The following KMT2E variants were observed in gnomAD, a reference collection of about 807,000 sequenced individuals.
KMT2E encodes lysine methyltransferase 2E (inactive), also known as histone reader KMT2E.
In KMT2E, 30 loss-of-function variants were observed where a neutral mutation model predicts 184.6. That is an observed-to-expected ratio of 0.16 (90% CI 0.12 to 0.22). KMT2E has a LOEUF of 0.22. KMT2E is among the 10% of genes least tolerant of loss of function. KMT2E has a pLI of 1.00. For synonymous variants in KMT2E, 815 were observed against 776.5 expected, an observed-to-expected ratio of 1.05 and a Z score of -0.82; for missense variants, 2,023 against 2,237.4, an observed-to-expected ratio of 0.90 and a Z score of 1.93.
Position 105,090,035 on chromosome 7 carries a change from T to C in KMT2E, c.1385T>C (p.Leu462Pro). ...AAGTACAAGGTGGACTGTGCATGCC[T>C]CAAAGAAAACCCAGAGTGCCCTGTT... is the stretch of plus-strand genomic sequence containing the variant. ...NCKYKVDCAC[L>P]KENPECPVLK... The change falls in exon 14 of 27, where the codon CTC becomes CCC. Residue 462 changes from leucine to proline, a missense_variant. By Grantham distance (98) the Leu-to-Pro change is moderately conservative (BLOSUM62 -3). Transcript: ENST00000311117. The C allele has an allele frequency of 5.0e-6, 8 of 1,613,216 alleles. No individual in the cohort carries two copies. The highest frequency in any genetic ancestry group is 6.8e-6 in the Non-Finnish European group (8 of 1,179,742).
At chr7:105,041,163 G>A in intron 3 of KMT2E, 140 bp downstream of exon 3, 1 of 575,118 alleles carries the variant, frequency 1.7e-6, no homozygotes, top group Non-Finnish European at 3.0e-6. Context: ...AAAAAGCGAA[G>A]TTACCTTTCT....
chr7:105,026,024 T>C (rs1393068805), intron 1 of KMT2E, among the ~76,000 whole-genome samples: 1 of 152,190 alleles, frequency 6.6e-6, no homozygotes, highest in Non-Finnish European at 1.5e-5. Context: ...TCAGGGGAGC[T>C]ATACTCAAAG....
intron 17 of KMT2E, chr7:105,103,176 C>G (rs1798731927): frequency 6.6e-6 from 1 of 152,190 alleles, no homozygotes; most frequent in Non-Finnish European, 1.5e-5. Flanking sequence ...AAACTACTTT[C>G]TCAATTACAA....
chr7:105,063,305 G>A (rs780097444), intron 4 of KMT2E, 46 bp from the exon 5 acceptor site: 24 of 1,339,100 alleles, frequency 1.8e-5, no homozygotes, highest in Non-Finnish European at 5.2e-6. Context: ...TTATATCATT[G>A]TTGAAATTAA....
At position 105,113,620 on chromosome 7, in the gene KMT2E, A is replaced by AATTC. The variant is rs1478130449; in HGVS notation, c.*291_*294dup. The AATTC allele has an allele frequency of 3.3e-6, 1 of 301,416 alleles. No homozygotes were observed. The highest frequency in any genetic ancestry group is 6.1e-6 in the Non-Finnish European group (1 of 163,338). The allele number at this position is 301,416 out of a possible 1,614,324, so 18.7% of individuals were successfully genotyped here. A position where few individuals can be genotyped will look rare whatever the true frequency, so the allele number is the denominator to read the frequency against. On this transcript the variant is annotated 3_prime_UTR_variant, in exon 27 of 27. Transcript: ENST00000311117. ...ATGATCTTTTTTTTTTTTTTAGTTA[A>AATTC]ATTCATTTAGTGAATGTTCTATTAT...
intron 6 of KMT2E, among the ~76,000 whole-genome samples, chr7:105,069,221 A>G (rs1324467875): frequency 6.6e-6 from 1 of 152,194 alleles, no homozygotes; most frequent in African/African-American, 2.4e-5. Flanking sequence ...AGTATGTTTC[A>G]TCTGTTTCTT....
At chr7:105,039,597 A>T (rs545963269) in intron 2 of KMT2E, among the ~76,000 whole-genome samples, 1 of 152,212 alleles carries the variant, frequency 6.6e-6, no homozygotes, top group Non-Finnish European at 1.5e-5. Flanking sequence ...GAGTTCATAC[A>T]TTATGGGGGA....
chr7:105,102,281 CCT>C, intron 17 of KMT2E, 87 bp downstream of exon 17: 1 of 1,143,190 alleles, frequency 8.7e-7, no homozygotes, highest in Non-Finnish European at 1.2e-6. Flanking sequence ...ATTTTTAAGA[CCT>C]CATAATAATA....
At chr7:105,087,118 T>C (rs1798006592) in intron 13 of KMT2E, among the ~76,000 whole-genome samples, 1 of 147,378 alleles carries the variant, frequency 6.8e-6, no homozygotes, top group Non-Finnish European at 1.5e-5. Flanking sequence ...ATATGTGCTA[T>C]GTATGTGCTA....
At chr7:105,060,009 T>TTG (rs1796746450) in intron 3 of KMT2E, among the ~76,000 whole-genome samples, 1 of 95,274 alleles carries the variant, frequency 1.0e-5, no homozygotes, top group Non-Finnish European at 2.0e-5. Context: ...TTTTTTTTTT[T>TTG]TTGGAGACAG....
In KMT2E at chr7:105,101,491, A is replaced by C; in HGVS notation, c.1789A>C (p.Arg597=). Residue 597 remains arginine, a synonymous_variant, in exon 16 of 27, where the codon AGA becomes CGA. Coordinates refer to ENST00000311117, the MANE Select transcript of KMT2E (RefSeq NM_182931.3). ...AFARLEKREK[R]REQALERIST... ...TGCCAGACTTGAAAAGAGAGAGAAA[A>C]GAAGAGAACAAGCTTTGGAAAGGAT... 1 of 1,592,506 alleles carries C rather than the reference A, an allele frequency of 6.3e-7. No homozygotes were observed. Among genetic ancestry groups the C allele is most frequent in the South Asian group, 1.2e-5 (1 of 86,838 alleles).
At chr7:105,087,589 A>G (rs975977761) in intron 13 of KMT2E, among the ~76,000 whole-genome samples, 1 of 151,480 alleles carries the variant, frequency 6.6e-6, no homozygotes, top group Non-Finnish European at 1.5e-5. Context: ...ACGCCTAGCT[A>G]ATTTTTTGTG....
Position 105,074,696 on chromosome 7 carries a change from A to G in KMT2E, c.610A>G (p.Thr204Ala). The G allele has an allele frequency of 6.2e-7, 1 of 1,603,634 alleles. No homozygotes were observed. The highest frequency in any genetic ancestry group is 8.5e-7 in the Non-Finnish European group (1 of 1,175,116). ...SGDEVPVELY[T>A]AFQHTPTSIT... ...TGATGAGGTTCCTGTGGAATTATAT[A>G]CTGCATTTCAGCATACTCCAACATC... is the stretch of plus-strand genomic sequence containing the variant. The change falls in exon 8 of 27, where the codon ACT (threonine) becomes GCT (alanine). Residue 204 changes from threonine (T) to alanine (A), a missense_variant. Around this residue, in one of 8 missense-constraint regions of KMT2E, gnomAD observed 191 missense variants for 209.0 expected, o/e 0.91. Transcript: ENST00000311117.
chr7:105,014,721 C>G lies in KMT2E; in HGVS notation c.-189+186C>G, dbSNP rs116856285. 6.9e-3 allele frequency among the ~76,000 whole-genome samples: 1,052 copies of G among 152,132 alleles called. 9 individuals are homozygous for G. Among genetic ancestry groups the G allele is most frequent in the Middle Eastern group, 0.017 (5 of 294 alleles). ...GAATTTATTCTTTCTTCTCCCTGAC[C>G]CTAGAAATGGAGCATTATGGCGGGT... is the stretch of plus-strand genomic sequence containing the variant. On this transcript the variant is annotated intron_variant, in intron 1 of 26. Coordinates refer to ENST00000311117, the MANE Select transcript of KMT2E (RefSeq NM_182931.3).
chr7:105,068,522 G>A (rs1350286785), intron 6 of KMT2E, among the ~76,000 whole-genome samples: 1 of 151,270 alleles, frequency 6.6e-6, no homozygotes, highest in East Asian at 1.9e-4. Flanking sequence ...ACAGCTCACT[G>A]CAGCCTCAGC....
intron 13 of KMT2E, chr7:105,089,207 G>GT (rs530461379): frequency 5.6e-4 from 222 of 396,496 alleles, no homozygotes; most frequent in East Asian, 8.6e-4. Flanking sequence ...AACTTTTTTT[G>GT]TTTTTTTTCT....
chr7:105,075,843 C>T (rs181235039), intron 8 of KMT2E, among the ~76,000 whole-genome samples, 200 bp from the exon 9 acceptor site: 15 of 152,200 alleles, frequency 9.9e-5, no homozygotes, highest in African/African-American at 3.6e-4. Flanking sequence ...CCCGCCACCA[C>T]TCTCAACCAC....
rs1304311631 is a variant in KMT2E, at chr7:105,113,383, A to G, written c.*50A>G. On this transcript the variant is annotated 3_prime_UTR_variant, in exon 27 of 27. Transcript: ENST00000311117. The stretch of plus-strand genomic sequence containing the variant: ...AAATGTTCTGTAAGATAAACTGTAT[A>G]TTTCATATGTACCTGTTAAGGTACT... The G allele has an allele frequency of 6.5e-7, 1 of 1,540,196 alleles. No individual in the cohort carries two copies. The highest frequency in any genetic ancestry group is 1.4e-5 in the African/African-American group (1 of 72,528).
At chr7:105,040,736 T>G (rs377435998) in intron 2 of KMT2E, 103 bp from the exon 3 acceptor site, 1 of 357,468 alleles carries the variant, frequency 2.8e-6, no homozygotes, top group East Asian at 4.2e-5. Context: ...CTAAGCAAAT[T>G]TCAATTTATA....
Sources: allele counts gnomAD v4.1 joint callset (sites outside exome capture counted in the v4.1 genomes callset), GRCh38; gene constraint gnomAD v4.1.1; regional missense constraint gnomAD v4.1.1; transcripts MANE v1.5; gene names NCBI Gene and HGNC (gene_info 2026-07-23, HGNC 2026-07-21).